CNTNAP2: variants seen among roughly 807,000 people sequenced by gnomAD.
CNTNAP2 encodes contactin associated protein 2.
Under a neutral mutation model 155.2 loss-of-function variants are expected in CNTNAP2, and 98 were observed. The observed-to-expected ratio is 0.63, with a 90% CI of 0.54 to 0.75. The LOEUF (loss-of-function observed/expected upper bound fraction) is 0.75, where lower values mean the gene tolerates loss of function less well. CNTNAP2 is among the 30% of genes least tolerant of loss of function. The pLI, the probability that CNTNAP2 is intolerant of heterozygous loss-of-function variation, is 0.00. For synonymous variants in CNTNAP2, 651 were observed against 631.2 expected (o/e 1.03, Z -0.47); for missense variants, 1,727 against 1,688.1 (o/e 1.02, Z -0.40).
At chr7:147,065,180 C>T (rs1241139112) in intron 4 of CNTNAP2, among the ~76,000 whole-genome samples, 1 of 152,066 alleles carries the variant, frequency 6.6e-6, no homozygotes, top group Non-Finnish European at 1.5e-5. Flanking sequence ...TTTTGGAGCT[C>T]AGTTTCCTAT....
intron 1 of CNTNAP2, among the ~76,000 whole-genome samples, chr7:146,204,493 A>C (rs1432524638): frequency 6.6e-6 from 1 of 152,126 alleles, no homozygotes; most frequent in African/African-American, 2.4e-5. Flanking sequence ...GTAGATATTT[A>C]CATGCCTAGT....
rs576683440 is a variant in CNTNAP2, at chr7:146,542,402, A to G, written c.98-231869A>G. Among the ~76,000 whole-genome samples, 4 of 152,110 alleles carry G rather than the reference A, an allele frequency of 2.6e-5. No homozygotes were observed. In the East Asian group the frequency reaches 7.7e-4, roughly 29 times the overall value. Reference sequence around the variant, plus strand: ...TACTCTTTAACACCAGCTCATTTAGATCTACATGTTCCAAGGTAAGAACAC... The same window carrying G: ...TACTCTTTAACACCAGCTCATTTAGGTCTACATGTTCCAAGGTAAGAACAC... On this transcript the variant is annotated intron_variant, in intron 1 of 23. Transcript: ENST00000361727.
intron 1 of CNTNAP2, among the ~76,000 whole-genome samples, chr7:146,560,865 C>G (rs1584981960): frequency 6.6e-6 from 1 of 152,100 alleles, no homozygotes; most frequent in Non-Finnish European, 1.5e-5. Context: ...TGGTCTTCCT[C>G]TTTCATTTCA....
At chr7:148,314,406 A>G (rs1563038084) in intron 21 of CNTNAP2, among the ~76,000 whole-genome samples, 1 of 152,204 alleles carries the variant, frequency 6.6e-6, no homozygotes. Context: ...TCAAGTTTGT[A>G]CTGGGGTCAA....
chr7:148,169,637 A>G (rs1437067134), intron 17 of CNTNAP2, among the ~76,000 whole-genome samples: 1 of 152,196 alleles, frequency 6.6e-6, no homozygotes. Context: ...ATACTAAGCA[A>G]GATGTTCTCG....
chr7:146,688,759 G>T (rs376940368), intron 1 of CNTNAP2, among the ~76,000 whole-genome samples: 2 of 152,112 alleles, frequency 1.3e-5, no homozygotes. Context: ...TCAGAGGCCT[G>T]ACACATACCA....
chr7:146,608,847 G>A (rs1799089032), intron 1 of CNTNAP2, among the ~76,000 whole-genome samples: 1 of 151,968 alleles, frequency 6.6e-6, no homozygotes, highest in South Asian at 2.1e-4. Context: ...AAATTTCACT[G>A]TCTCAGCAAC....
intron 8 of CNTNAP2, among the ~76,000 whole-genome samples, chr7:147,258,032 G>C (rs551010662): frequency 6.6e-6 from 1 of 152,056 alleles, no homozygotes; most frequent in Non-Finnish European, 1.5e-5. Flanking sequence ...GGATGATGAT[G>C]GTTTGCTAAA....
chr7:146,464,874 A>G (rs912975911), intron 1 of CNTNAP2, among the ~76,000 whole-genome samples: 3 of 152,082 alleles, frequency 2.0e-5, no homozygotes, highest in African/African-American at 7.2e-5. Context: ...TCTGGTTGCA[A>G]ATACTCTCTT....
intron 13 of CNTNAP2, among the ~76,000 whole-genome samples, chr7:147,746,598 C>T (rs76299788): frequency 0.19 from 29,217 of 151,950 alleles, 3,220 homozygotes; most frequent in Middle Eastern, 0.38. Context: ...CCTAGTTATC[C>T]CATGCTACTT....
At chr7:146,743,257 T>TACAA (rs1330520805) in intron 1 of CNTNAP2, among the ~76,000 whole-genome samples, 1 of 152,156 alleles carries the variant, frequency 6.6e-6, no homozygotes, top group Non-Finnish European at 1.5e-5. Flanking sequence ...CCATAGGAGG[T>TACAA]ACAAACAGGT....
At chr7:146,517,575 C>G (rs1404530315) in intron 1 of CNTNAP2, among the ~76,000 whole-genome samples, 1 of 151,856 alleles carries the variant, frequency 6.6e-6, no homozygotes, top group African/African-American at 2.4e-5. Context: ...TGGAGAGACT[C>G]AGGGACTTGT....
At chr7:147,616,343 C>T (rs1563023253) in intron 12 of CNTNAP2, among the ~76,000 whole-genome samples, 1 of 152,170 alleles carries the variant, frequency 6.6e-6, no homozygotes. Context: ...AAGCATAAAT[C>T]ATTCAAGTCA....
chr7:148,222,694 A>C (rs1471209227), intron 19 of CNTNAP2, among the ~76,000 whole-genome samples: 1 of 152,122 alleles, frequency 6.6e-6, no homozygotes, highest in African/African-American at 2.4e-5. Context: ...GGATATTCAC[A>C]CCATAGCATA....
At chr7:146,792,531 C>T (rs2129189362) in intron 2 of CNTNAP2, among the ~76,000 whole-genome samples, 1 of 152,278 alleles carries the variant, frequency 6.6e-6, no homozygotes, top group Non-Finnish European at 1.5e-5. Context: ...GACTAAGTGT[C>T]AAAATCAGTG....
intron 22 of CNTNAP2, among the ~76,000 whole-genome samples, chr7:148,404,791 G>C (rs959713561): frequency 6.6e-6 from 1 of 152,142 alleles, no homozygotes; most frequent in Non-Finnish European, 1.5e-5. Flanking sequence ...GCTCTCAGTG[G>C]GATGGGGAGC....
intron 3 of CNTNAP2, among the ~76,000 whole-genome samples, chr7:146,880,988 G>A (rs1160546736): frequency 6.6e-6 from 1 of 152,140 alleles, no homozygotes; most frequent in African/African-American, 2.4e-5. Flanking sequence ...AAGCTATAAT[G>A]TGAGCAAAAT....
At chr7:146,408,305 A>G (rs898790615) in intron 1 of CNTNAP2, among the ~76,000 whole-genome samples, 2 of 152,114 alleles carry the variant, frequency 1.3e-5, no homozygotes, top group African/African-American at 2.4e-5. Context: ...TCCTTGAGTT[A>G]AGGATGATTT....
chr7:146,350,756 A>G (rs1041123677), intron 1 of CNTNAP2, among the ~76,000 whole-genome samples: 56 of 152,096 alleles, frequency 3.7e-4, no homozygotes, highest in Admixed American at 1.9e-3. Flanking sequence ...ACTATTCACA[A>G]TAGCAAAGAC....
Sources: allele counts gnomAD v4.1 joint callset (sites outside exome capture counted in the v4.1 genomes callset), GRCh38; gene constraint gnomAD v4.1.1; transcripts MANE v1.5; gene names NCBI Gene and HGNC (gene_info 2026-07-23, HGNC 2026-07-21).